The following ATP8A2 variants were observed in gnomAD, a reference collection of about 807,000 sequenced individuals.
ATP8A2 encodes the protein ATPase phospholipid transporting 8A2.
Under a neutral mutation model 165.6 loss-of-function variants are expected in ATP8A2, and 100 were observed. The observed-to-expected ratio is 0.60, with a 90% CI of 0.51 to 0.71. The LOEUF (loss-of-function observed/expected upper bound fraction) is 0.71, where lower values mean the gene tolerates loss of function less well. Ranked by LOEUF, ATP8A2 falls within the 30% of genes least tolerant of loss-of-function variation. The pLI is 0.00. For synonymous variants in ATP8A2, 543 were observed against 548.8 expected (o/e 0.99, Z 0.15); for missense variants, 1,227 against 1,479.5 (o/e 0.83, Z 2.80).
intron 27 of ATP8A2, among the ~76,000 whole-genome samples, chr13:25,779,386 G>T (rs896779309): frequency 6.6e-6 from 1 of 150,962 alleles, no homozygotes; most frequent in African/African-American, 2.4e-5. Context: ...CAGCCAGCTG[G>T]GAGTGGGGTT....
chr13:25,992,303 T>C (rs377577819), intron 35 of ATP8A2, among the ~76,000 whole-genome samples: 1 of 151,858 alleles, frequency 6.6e-6, no homozygotes, highest in Non-Finnish European at 1.5e-5. Context: ...GTTTTCCTAA[T>C]GGTTAATGAT....
intron 24 of ATP8A2, among the ~76,000 whole-genome samples, chr13:25,675,966 A>G (rs9511870): frequency 0.39 from 59,394 of 152,052 alleles, 11,800 homozygotes; most frequent in East Asian, 0.59. Context: ...TACTCAAGGT[A>G]TTGGAGACCC....
intron 27 of ATP8A2, among the ~76,000 whole-genome samples, chr13:25,806,077 G>C (rs1379848920): frequency 6.6e-6 from 1 of 152,082 alleles, no homozygotes; most frequent in Non-Finnish European, 1.5e-5. Context: ...TCATGCCCTA[G>C]AAATGCTTGC....
intron 27 of ATP8A2, among the ~76,000 whole-genome samples, chr13:25,789,247 A>T (rs908108511): frequency 6.6e-6 from 1 of 152,234 alleles, no homozygotes; most frequent in Non-Finnish European, 1.5e-5. Context: ...AATATTAAGG[A>T]TCAGAAGACA....
At chr13:25,448,520 A>AT (rs2035129317) in intron 1 of ATP8A2, among the ~76,000 whole-genome samples, 1 of 152,262 alleles carries the variant, frequency 6.6e-6, no homozygotes, top group Non-Finnish European at 1.5e-5. Flanking sequence ...AAATGGTGTC[A>AT]TATTTTATAA....
At chr13:25,602,884 A>G (rs1453666566) in intron 24 of ATP8A2, among the ~76,000 whole-genome samples, 1 of 152,000 alleles carries the variant, frequency 6.6e-6, no homozygotes, top group Admixed American at 6.5e-5. Context: ...AGCCTGGCCA[A>G]TATGGTGAAA....
At position 25,758,948 on chromosome 13, in the gene ATP8A2, C is replaced by A. The variant is rs148323293; in HGVS notation, c.2385-10098C>A. Among the ~76,000 whole-genome samples, 1,021 of 152,160 alleles carry A rather than the reference C, an allele frequency of 6.7e-3. 14 individuals carry two copies. Among genetic ancestry groups the A allele is most frequent in the African/African-American group, 0.019 (797 of 41,494 alleles). ...GCTTTGTGTAAATTACCTCCTTTCC[C>A]ACCCAAGAAATTCCACTTCCAAATT... On this transcript the variant is annotated intron_variant, in intron 25 of 36. Coordinates refer to ENST00000381655, the MANE Select transcript of ATP8A2 (RefSeq NM_016529.6).
chr13:25,465,783 CTCTTTCTT>C (rs1229991253), intron 1 of ATP8A2, among the ~76,000 whole-genome samples: 1 of 93,582 alleles, frequency 1.1e-5, no homozygotes, highest in Non-Finnish European at 1.9e-5. Flanking sequence ...CTCTCTTTCT[CTCTTTCTT>C]TCTTTCTTTT....
intron 24 of ATP8A2, among the ~76,000 whole-genome samples, chr13:25,693,162 A>T (rs1376491360): frequency 6.6e-6 from 1 of 152,198 alleles, no homozygotes; most frequent in South Asian, 2.1e-4. Context: ...GGATCCAACC[A>T]TAATTTGTAA....
intron 24 of ATP8A2, among the ~76,000 whole-genome samples, chr13:25,662,304 T>G (rs75019478): frequency 0.034 from 5,238 of 152,270 alleles, 155 homozygotes; most frequent in East Asian, 0.13. Flanking sequence ...AGTTGTTTTG[T>G]GGGCTACATT....
chr13:25,512,508 G>C (rs945014906), intron 2 of ATP8A2, among the ~76,000 whole-genome samples: 8 of 151,334 alleles, frequency 5.3e-5, no homozygotes, highest in African/African-American at 1.7e-4. Context: ...CTGGGCGGGG[G>C]GCTGACCTCC....
chr13:25,614,415 A>T (rs1012764330), intron 24 of ATP8A2, among the ~76,000 whole-genome samples: 3 of 151,900 alleles, frequency 2.0e-5, no homozygotes, highest in African/African-American at 7.3e-5. Context: ...TTCTGTCCAT[A>T]TCCTGTAACA....
At chr13:25,450,662 G>T (rs1432452126) in intron 1 of ATP8A2, among the ~76,000 whole-genome samples, 2 of 152,062 alleles carry the variant, frequency 1.3e-5, no homozygotes, top group Admixed American at 6.5e-5. Flanking sequence ...CTCCCGAGTA[G>T]CTGGGACTAC....
At chr13:25,882,417 G>T (rs543413238) in intron 33 of ATP8A2, among the ~76,000 whole-genome samples, 2 of 152,248 alleles carry the variant, frequency 1.3e-5, no homozygotes, top group South Asian at 4.1e-4. Flanking sequence ...ATGGTCAGAC[G>T]CAGCCTGTCA....
At chr13:25,487,080 T>G (rs1270839227) in intron 2 of ATP8A2, among the ~76,000 whole-genome samples, 1 of 152,244 alleles carries the variant, frequency 6.6e-6, no homozygotes, top group African/African-American at 2.4e-5. Flanking sequence ...AGTCTCTAAC[T>G]AAAAAGGTGA....
chr13:25,456,477 T>C (rs1323565529), intron 1 of ATP8A2, among the ~76,000 whole-genome samples: 3 of 152,226 alleles, frequency 2.0e-5, no homozygotes, highest in Non-Finnish European at 4.4e-5. Flanking sequence ...CTTTCTGGAA[T>C]TGCTGTCTGC....
At chr13:25,438,144 G>A (rs2034830246) in intron 1 of ATP8A2, among the ~76,000 whole-genome samples, 1 of 152,078 alleles carries the variant, frequency 6.6e-6, no homozygotes, top group Admixed American at 6.6e-5. Context: ...CAACCATGAG[G>A]GCAGATGAGA....
chr13:25,611,915 T>G (rs1009510980), intron 24 of ATP8A2, among the ~76,000 whole-genome samples: 3 of 152,188 alleles, frequency 2.0e-5, no homozygotes, highest in Admixed American at 6.5e-5. Context: ...TTTTCCAGTT[T>G]ATACATGTAA....
At chr13:25,891,391 C>T (rs1223328713) in intron 33 of ATP8A2, among the ~76,000 whole-genome samples, 3 of 151,950 alleles carry the variant, frequency 2.0e-5, no homozygotes, top group East Asian at 3.9e-4. Context: ...GGTGCGATCT[C>T]GGCTCACTGC....
Sources: allele counts gnomAD v4.1 joint callset (sites outside exome capture counted in the v4.1 genomes callset), GRCh38; gene constraint gnomAD v4.1.1; transcripts MANE v1.5; gene names NCBI Gene and HGNC (gene_info 2026-07-23, HGNC 2026-07-21).